The following LAMA2 variants were observed in gnomAD, a reference collection of about 807,000 sequenced individuals.
LAMA2 encodes the protein laminin subunit alpha-2.
Under a neutral mutation model 364.8 loss-of-function variants are expected in LAMA2, and 269 were observed. That is an observed-to-expected ratio of 0.74 (90% CI 0.67 to 0.82). The LOEUF is 0.82. LAMA2 is among the 40% of genes least tolerant of loss of function. The pLI is 0.00. For synonymous variants in LAMA2, 1,379 were observed against 1,370.6 expected (o/e 1.01, Z -0.14); for missense variants, 3,807 against 3,873.2 (o/e 0.98, Z 0.45).
chr6:128,911,572 A>G (rs892308563), intron 1 of LAMA2, among the ~76,000 whole-genome samples: 5 of 152,124 alleles, frequency 3.3e-5, no homozygotes, highest in Admixed American at 3.3e-4. Context: ...GGTACCTCAG[A>G]TGGAAAAGCA....
intron 64 of LAMA2, 137 bp from the exon 65 acceptor site, chr6:129,516,053 G>T (rs1787043300): frequency 6.0e-6 from 6 of 1,007,310 alleles, no homozygotes; most frequent in Admixed American, 5.1e-5. Flanking sequence ...TATTAGTAAG[G>T]CTAAAAACAA....
At chr6:129,161,984 T>C (rs1398636386) in intron 8 of LAMA2, among the ~76,000 whole-genome samples, 2 of 152,216 alleles carry the variant, frequency 1.3e-5, no homozygotes, top group African/African-American at 4.8e-5. Context: ...GGCTTTATGA[T>C]AGAATGATAT....
chr6:129,364,654 T>C (rs1777657130), intron 32 of LAMA2, among the ~76,000 whole-genome samples: 3 of 152,204 alleles, frequency 2.0e-5, no homozygotes, highest in African/African-American at 7.2e-5. Context: ...CATTTGTCTC[T>C]CTACCAATTC....
chr6:128,936,286 C>G lies in LAMA2; in HGVS notation c.112+52929C>G, dbSNP rs185153800. ...TCTCAGAAAAGCTTTCAACTTTTCA[C>G]TATTCAGTATGACATCAGCTGTAGA... On this transcript the variant is annotated intron_variant, in intron 1 of 64. Coordinates refer to ENST00000421865, the MANE Select transcript of LAMA2 (RefSeq NM_000426.4). 2.6e-5 allele frequency among the ~76,000 whole-genome samples: 4 copies of G among 152,320 alleles called. No homozygotes were observed. In the East Asian group the frequency reaches 5.8e-4, roughly 22 times the overall value.
rs559253011 is a variant in LAMA2, at chr6:129,089,074, G to A, written c.397-9099G>A. 1.3e-3 allele frequency among the ~76,000 whole-genome samples: 192 copies of A among 152,364 alleles called. 1 individual carries two copies. Among genetic ancestry groups the A allele is most frequent in the African/African-American group, 4.1e-3 (170 of 41,596 alleles). On this transcript the variant is annotated intron_variant, in intron 3 of 64. Transcript: ENST00000421865. ...CGTCTGCAATCTCGGCACCTCGGGA[G>A]GCCGAGGCTGGCAGATCACTCGCGG...
chr6:129,305,525 A>G (rs1218685883), intron 22 of LAMA2, among the ~76,000 whole-genome samples: 1 of 151,892 alleles, frequency 6.6e-6, no homozygotes, highest in Non-Finnish European at 1.5e-5. Flanking sequence ...AGATCTCACT[A>G]TATTGCCCAT....
chr6:129,015,742 C>G (rs1035113023), intron 1 of LAMA2, among the ~76,000 whole-genome samples: 6 of 151,972 alleles, frequency 3.9e-5, no homozygotes, highest in Non-Finnish European at 8.8e-5. Flanking sequence ...TAAAATACAG[C>G]TTTTTAATCT....
chr6:129,264,318 A>T (rs1369929807), intron 15 of LAMA2, among the ~76,000 whole-genome samples: 1 of 151,948 alleles, frequency 6.6e-6, no homozygotes, highest in Admixed American at 6.6e-5. Context: ...GTCATAGATG[A>T]CCAGTTTGAA....
At position 129,492,361 on chromosome 6, in the gene LAMA2, G is replaced by T. The variant is rs780581822; in HGVS notation, c.8122G>T (p.Gly2708Cys). The change falls in exon 58 of 65, where the codon GGT (glycine) becomes TGT (cysteine). Residue 2708 changes from glycine to cysteine, a missense_variant. Gly to Cys is a radical substitution (Grantham distance 159). Transcript: ENST00000421865. ...RPVSFKNADI[G>C]RCAHQKLRED... ...TGTGTCCTTCAAAAATGCTGACATT[G>T]GTCGCTGTGCCCATCAGAAACTCCG... The T allele has an allele frequency of 1.9e-6, 3 of 1,614,010 alleles. No homozygotes were observed. The East Asian group carries it at 6.7e-5, about 36-fold the overall frequency.
Position 129,220,275 on chromosome 6 carries a change from A to T in LAMA2, c.1782+27422A>T, listed in dbSNP as rs535818949. On this transcript the variant is annotated intron_variant, in intron 12 of 64. Transcript: ENST00000421865. The stretch of plus-strand genomic sequence containing the variant: ...CCTTCAAAAAACATATAGTGAAATA[A>T]TATTAACTACACAAAGATAAGCAAT... 2.6e-4 allele frequency among the ~76,000 whole-genome samples: 39 copies of T among 152,350 alleles called. 1 individual carries two copies. Among genetic ancestry groups the T allele is most frequent in the Middle Eastern group, 3.4e-3 (1 of 294 alleles).
intron 4 of LAMA2, among the ~76,000 whole-genome samples, chr6:129,124,853 T>C (rs998381044): frequency 1.3e-5 from 2 of 152,208 alleles, no homozygotes; most frequent in African/African-American, 2.4e-5. Context: ...TTAAGTGTCA[T>C]TCCTGTACCC....
intron 1 of LAMA2, among the ~76,000 whole-genome samples, chr6:128,963,333 T>G (rs1781645891): frequency 6.6e-6 from 1 of 152,160 alleles, no homozygotes; most frequent in Non-Finnish European, 1.5e-5. Context: ...TATGGTTATA[T>G]TACTACTGTG....
intron 3 of LAMA2, among the ~76,000 whole-genome samples, chr6:129,066,050 T>TTTTTTTTTTTC (rs1412060348): frequency 5.3e-5 from 5 of 93,794 alleles, no homozygotes; most frequent in Non-Finnish European, 9.1e-5. Context: ...TTTTTTTTTT[T>TTTTTTTTTTTC]TTTTTTTTTT....
At chr6:128,893,389 A>C (rs536368310) in intron 1 of LAMA2, among the ~76,000 whole-genome samples, 1 of 151,868 alleles carries the variant, frequency 6.6e-6, no homozygotes, top group South Asian at 2.1e-4. Flanking sequence ...ATTTGTTATT[A>C]ATTAATAATG....
chr6:129,018,496 G>C (rs1395147080), intron 1 of LAMA2, among the ~76,000 whole-genome samples: 1 of 148,336 alleles, frequency 6.7e-6, no homozygotes, highest in East Asian at 2.0e-4. Flanking sequence ...AAATATGTAA[G>C]TACAAAAAAG....
At chr6:129,423,898 A>G (rs1488415872) in intron 40 of LAMA2, among the ~76,000 whole-genome samples, 6 of 152,054 alleles carry the variant, frequency 3.9e-5, no homozygotes, top group African/African-American at 1.4e-4. Flanking sequence ...TTTCCTAAAA[A>G]TTTACAGATA....
At chr6:129,223,100 T>C (rs912516333) in intron 12 of LAMA2, among the ~76,000 whole-genome samples, 2 of 152,228 alleles carry the variant, frequency 1.3e-5, no homozygotes, top group African/African-American at 2.4e-5. Flanking sequence ...CCAGTGATGA[T>C]GAGCATTTTT....
Position 129,328,284 on chromosome 6 carries a change from T to C in LAMA2, c.4183T>C (p.Leu1395=), listed in dbSNP as rs551074068. Residue 1395 remains leucine, a synonymous_variant, in exon 29 of 65, where the codon TTG becomes CTG. Transcript: ENST00000421865. ...GYSGLSCEAC[L]PGFYRLRSQP... The stretch of plus-strand genomic sequence containing the variant: ...TGGCTTCCTTTTCTTTCAGGCATGC[T>C]TGCCGGGATTTTATCGACTGCGTTC... The C allele has an allele frequency of 1.2e-6, 2 of 1,614,160 alleles. No individual in the cohort carries two copies. Among genetic ancestry groups the C allele is most frequent in the South Asian group, 2.2e-5 (2 of 91,088 alleles).
intron 3 of LAMA2, among the ~76,000 whole-genome samples, chr6:129,080,429 A>C (rs1044654459): frequency 1.3e-5 from 2 of 152,226 alleles, no homozygotes; most frequent in Admixed American, 1.3e-4. Context: ...AAAACTCTAA[A>C]AAGTGAAACT....
Sources: gnomAD v4.1 joint callset for allele counts (sites outside exome capture counted in the v4.1 genomes callset) on GRCh38, gnomAD v4.1.1 for gene constraint, MANE v1.5 for transcripts, NCBI Gene and HGNC (gene_info 2026-07-23, HGNC 2026-07-21) for gene names.